RBFOX1: variants seen among roughly 807,000 people sequenced by gnomAD.
The protein encoded by RBFOX1 is RNA binding fox-1 homolog 1.
In RBFOX1, 8 loss-of-function variants were observed where a neutral mutation model predicts 57.7. That is an observed-to-expected ratio of 0.14 (90% confidence interval 0.08 to 0.25). RBFOX1 has a LOEUF of 0.25. RBFOX1 is among the 10% of genes least tolerant of loss of function. RBFOX1 has a pLI of 1.00. For synonymous variants in RBFOX1, 326 were observed against 222.4 expected (o/e 1.47, Z -4.15); for missense variants, 611 against 548.5 (o/e 1.11, Z -1.14).
At chr16:6,905,977 G>T (rs981454905) in intron 3 of RBFOX1, among the ~76,000 whole-genome samples, 2 of 152,106 alleles carry the variant, frequency 1.3e-5, no homozygotes, top group African/African-American at 2.4e-5. Flanking sequence ...CAGGCTGCAG[G>T]GTCCTTCTGC....
intron 1 of RBFOX1, among the ~76,000 whole-genome samples, chr16:6,107,337 C>G (rs74004742): frequency 2.6e-5 from 4 of 151,946 alleles, no homozygotes; most frequent in Admixed American, 1.3e-4. Context: ...ACTTTCCTAA[C>G]ACAGCATTAA....
At position 5,303,805 on chromosome 16, in the gene RBFOX1, A is replaced by G. The variant is rs138846312; in HGVS notation, c.219+63700A>G. On this transcript the variant is annotated intron_variant, in intron 1 of 2. Coordinates refer to the RBFOX1 transcript ENST00000585867. ...AAATTCCAATAAAGCAAAAATGATT[A>G]AAATTGAATTGCCCATAGAAGCTGA... 3.0e-3 allele frequency among the ~76,000 whole-genome samples: 462 copies of G among 152,044 alleles called. 1 individual carries two copies. In the Middle Eastern group the frequency reaches 0.034, roughly 11 times the overall value.
At chr16:6,144,068 G>T (rs79499661) in intron 1 of RBFOX1, among the ~76,000 whole-genome samples, 4 of 151,444 alleles carry the variant, frequency 2.6e-5, no homozygotes, top group Non-Finnish European at 1.5e-5. Context: ...CAAAATGTTG[G>T]GATTACAGGT....
intron 3 of RBFOX1, among the ~76,000 whole-genome samples, chr16:6,979,569 T>C (rs376834270): frequency 6.6e-6 from 1 of 152,270 alleles, no homozygotes; most frequent in South Asian, 2.1e-4. Flanking sequence ...AAAGAAGAGA[T>C]AGCAGGATTG....
At chr16:6,218,579 G>C (rs1008554553) in intron 1 of RBFOX1, among the ~76,000 whole-genome samples, 2 of 152,088 alleles carry the variant, frequency 1.3e-5, no homozygotes, top group Admixed American at 1.3e-4. Flanking sequence ...CAAAGTGCTG[G>C]GATTACAGGC....
chr16:7,292,687 G>A (rs573838659), intron 4 of RBFOX1, among the ~76,000 whole-genome samples: 32 of 151,820 alleles, frequency 2.1e-4, no homozygotes, highest in African/African-American at 6.5e-4. Context: ...TACAATACAT[G>A]TGCATTAAAA....
Position 6,114,591 on chromosome 16 carries a change from A to G in RBFOX1, c.-127+94599A>G, listed in dbSNP as rs372313454. Among the ~76,000 whole-genome samples the G allele has an allele frequency of 1.8e-4, 28 of 152,232 alleles. No individual in the cohort carries two copies. The East Asian group carries it at 3.5e-3, about 19-fold the overall frequency. On this transcript the variant is annotated intron_variant, in intron 1 of 15. Coordinates refer to ENST00000550418, the MANE Select transcript of RBFOX1 (RefSeq NM_018723.4). ...TTGGAGGGGGCGTAACTTATGGACT[A>G]CTAACACTGCCTTTAGTTCAGTCTT...
At chr16:5,326,125 A>G (rs1349634395) in intron 1 of RBFOX1, among the ~76,000 whole-genome samples, 1 of 152,196 alleles carries the variant, frequency 6.6e-6, no homozygotes, top group Non-Finnish European at 1.5e-5. Context: ...AGCACTTGGT[A>G]TCGTCAGCAT....
chr16:6,907,166 C>G (rs1373243407), intron 3 of RBFOX1, among the ~76,000 whole-genome samples: 1 of 152,150 alleles, frequency 6.6e-6, no homozygotes, highest in African/African-American at 2.4e-5. Flanking sequence ...TACAACTTGG[C>G]AGGGGAGTAT....
At chr16:7,528,317 T>G (rs1383484035) in intron 5 of RBFOX1, among the ~76,000 whole-genome samples, 2 of 152,260 alleles carry the variant, frequency 1.3e-5, no homozygotes, top group Non-Finnish European at 2.9e-5. Context: ...CCACTCAGGA[T>G]GACTAAGCAG....
intron 3 of RBFOX1, among the ~76,000 whole-genome samples, chr16:6,900,206 C>T (rs571262433): frequency 4.6e-5 from 7 of 152,240 alleles, no homozygotes; most frequent in South Asian, 2.1e-4. Context: ...TGGAATGTAT[C>T]TGTGAATAAT....
intron 2 of RBFOX1, among the ~76,000 whole-genome samples, chr16:6,415,242 C>CA (rs57296761): frequency 0.012 from 1,190 of 101,972 alleles, 15 homozygotes; most frequent in African/African-American, 0.025. Flanking sequence ...AACTCTGTCA[C>CA]AAAAAAAAAA....
chr16:5,688,660 A>T (rs1004968154), intron 3 of RBFOX1, among the ~76,000 whole-genome samples: 1 of 152,212 alleles, frequency 6.6e-6, no homozygotes, highest in Non-Finnish European at 1.5e-5. Flanking sequence ...AGAGAAATTC[A>T]TTACCTACCC....
chr16:7,209,750 C>T (rs576893755), intron 4 of RBFOX1, among the ~76,000 whole-genome samples: 3 of 152,292 alleles, frequency 2.0e-5, no homozygotes, highest in East Asian at 1.9e-4. Context: ...GGAGTCTTGT[C>T]TGAGTCATCA....
chr16:5,876,442 C>T (rs1424902993), intron 4 of RBFOX1, among the ~76,000 whole-genome samples: 2 of 152,148 alleles, frequency 1.3e-5, no homozygotes, highest in Non-Finnish European at 2.9e-5. Context: ...ACCCCCAAAC[C>T]AGCTGGGGTG....
intron 3 of RBFOX1, among the ~76,000 whole-genome samples, chr16:6,681,603 C>T (rs1462971112): frequency 1.3e-5 from 2 of 151,362 alleles, no homozygotes; most frequent in Admixed American, 6.6e-5. Context: ...TTAGTTAAAG[C>T]CGTAAACAAA....
At chr16:6,241,752 A>G (rs2097541216) in intron 1 of RBFOX1, among the ~76,000 whole-genome samples, 1 of 152,236 alleles carries the variant, frequency 6.6e-6, no homozygotes, top group South Asian at 2.1e-4. Flanking sequence ...GGCACTTAAA[A>G]TGTATTAAAT....
Position 6,019,685 on chromosome 16 carries a change from C to T in RBFOX1, c.-434C>T, listed in dbSNP as rs938796756. Reference sequence around the variant, plus strand: ...CCCGGCGTCCGGAGCAGGAGAACTCCGAGCTTCTTGCCCAGGCAGAGAGAG... The same window carrying T: ...CCCGGCGTCCGGAGCAGGAGAACTCTGAGCTTCTTGCCCAGGCAGAGAGAG... On this transcript the variant is annotated 5_prime_UTR_variant, in exon 1 of 16. Transcript: ENST00000550418. This position sits in a 1 kb window ranked among gnomAD's most constrained non-coding sequence, Gnocchi z 4.2. 5.8e-5 allele frequency: 78 copies of T among 1,337,414 alleles called. No individual in the cohort carries two copies. Among genetic ancestry groups the T allele is most frequent in the Non-Finnish European group, 7.0e-5 (73 of 1,044,364 alleles). 82.8% of individuals were successfully genotyped at this position (1,337,414 alleles called of 1,614,324 possible). A position where few individuals can be genotyped will look rare whatever the true frequency, so the allele number is the denominator to read the frequency against.
At chr16:5,809,734 A>T (rs556468562) in intron 3 of RBFOX1, among the ~76,000 whole-genome samples, 8 of 152,320 alleles carry the variant, frequency 5.3e-5, no homozygotes, top group African/African-American at 1.9e-4. Context: ...GTGGGACAGT[A>T]AACTAGTTCA....
Sources: allele counts gnomAD v4.1 joint callset (sites outside exome capture counted in the v4.1 genomes callset), GRCh38; gene constraint gnomAD v4.1.1; non-coding constraint Gnocchi (gnomAD v3.1); transcripts MANE v1.5; gene names NCBI Gene and HGNC (gene_info 2026-07-23, HGNC 2026-07-21).